The following OLFM1 variants were observed in gnomAD, a reference collection of about 807,000 sequenced individuals.
OLFM1 encodes the protein olfactomedin 1.
In OLFM1, 9 loss-of-function variants were observed where a neutral mutation model predicts 49.7. The observed-to-expected ratio is 0.18, with a 90% CI of 0.11 to 0.32. The LOEUF (loss-of-function observed/expected upper bound fraction) is 0.32. Ranked by LOEUF, OLFM1 falls within the 10% of genes least tolerant of loss-of-function variation. The pLI is 1.00. For synonymous variants in OLFM1, 240 were observed against 271.8 expected (o/e 0.88, Z 1.15); for missense variants, 369 against 661.8 (o/e 0.56, Z 4.85).
rs966026288 is a variant in OLFM1, at chr9:135,080,945, AAAT to A, written c.96+5150_96+5152del. On this transcript the variant is annotated intron_variant, in intron 1 of 5. Transcript: ENST00000252854. This position sits in a 1 kb window ranked among gnomAD's most constrained non-coding sequence, Gnocchi z 4.5. ...ACCTCTGAGTTTTTTTAGATTATTA[AAAT>A]AATAATCTAAATATTATAAATAATA... Among the ~76,000 whole-genome samples, 1 of 151,288 alleles carries A rather than the reference AAAT, an allele frequency of 6.6e-6. No individual in the cohort carries two copies. Among genetic ancestry groups the A allele is most frequent in the Admixed American group, 6.6e-5 (1 of 15,186 alleles).
At chr9:135,100,676 G>A (rs983807971) in intron 4 of OLFM1, among the ~76,000 whole-genome samples, 4 of 152,186 alleles carry the variant, frequency 2.6e-5, no homozygotes, top group Non-Finnish European at 5.9e-5. Flanking sequence ...AATGCCACTC[G>A]ATAGCTGTGC....
At chr9:135,089,702 G>A (rs1223488796) in intron 1 of OLFM1, among the ~76,000 whole-genome samples, 3 of 152,186 alleles carry the variant, frequency 2.0e-5, no homozygotes, top group Non-Finnish European at 4.4e-5. Flanking sequence ...TGTTACAGTG[G>A]GTGCTTCGTC....
At chr9:135,108,842 C>T (rs565273259) in intron 5 of OLFM1, among the ~76,000 whole-genome samples, 6 of 152,244 alleles carry the variant, frequency 3.9e-5, no homozygotes, top group East Asian at 3.9e-4. Context: ...ACTGTTCTCA[C>T]GCCCAGAGGC....
At chr9:135,111,553 T>TGG (rs1831023524) in intron 5 of OLFM1, among the ~76,000 whole-genome samples, 1 of 151,764 alleles carries the variant, frequency 6.6e-6, no homozygotes, top group Non-Finnish European at 1.5e-5. Context: ...GTGCTGAGGG[T>TGG]GGGTGTGTTG....
intron 4 of OLFM1, 175 bp from the exon 5 acceptor site, chr9:135,106,574 G>A: frequency 3.4e-6 from 2 of 589,304 alleles, no homozygotes; most frequent in East Asian, 2.9e-5. Context: ...TTCCGAGAGT[G>A]GGGGAGTTGT....
At chr9:135,106,934 C>G (rs970942841) in intron 5 of OLFM1, 79 bp downstream of exon 5, 2 of 1,120,494 alleles carry the variant, frequency 1.8e-6, no homozygotes, top group African/African-American at 3.1e-5. Flanking sequence ...GACATGGGTA[C>G]AAGCCACGCC....
chr9:135,098,012 AAAAG>A lies in OLFM1; in HGVS notation c.457-266_457-263del. On this transcript the variant is annotated intron_variant, in intron 3 of 5. Transcript: ENST00000371793. This position sits in a 1 kb window ranked among gnomAD's most constrained non-coding sequence, Gnocchi z 5.6. The stretch of plus-strand genomic sequence containing the variant: ...GAACCCTTGTCAATGCATTTTTTGA[AAAAG>A]AAAGAAAAAAAAAACTTCGTGTATG... 7 of 1,417,328 alleles carry A rather than the reference AAAAG, an allele frequency of 4.9e-6. No homozygotes were observed. The highest frequency in any genetic ancestry group is 6.4e-6 in the Non-Finnish European group (7 of 1,093,356). 87.8% of individuals were successfully genotyped at this position (1,417,328 alleles called of 1,614,324 possible).
At chr9:135,077,864 AG>A (rs1358610534) in intron 1 of OLFM1, among the ~76,000 whole-genome samples, 1 of 152,254 alleles carries the variant, frequency 6.6e-6, no homozygotes. Context: ...AAGCCTCAGC[AG>A]GTGAAATCAC....
chr9:135,110,654 TCA>T (rs1831008701), intron 5 of OLFM1, among the ~76,000 whole-genome samples: 2 of 152,154 alleles, frequency 1.3e-5, no homozygotes, highest in Admixed American at 6.5e-5. Flanking sequence ...CAGTCACTTC[TCA>T]GTGTGAGGAG....
chr9:135,120,193 A>T lies in OLFM1; in HGVS notation c.*15A>T. On this transcript the variant is annotated 3_prime_UTR_variant, in exon 6 of 6. Coordinates refer to ENST00000371793, the MANE Select transcript of OLFM1 (RefSeq NM_001282611.2). Reference sequence around the variant, plus strand: ...ACGAGTTGTAGCTCCCTCCTCCTGGAAGCCAAGGGCCCACGTCCTCACCAC... The same window carrying T: ...ACGAGTTGTAGCTCCCTCCTCCTGGTAGCCAAGGGCCCACGTCCTCACCAC... 6.3e-7 allele frequency: 1 copy of T among 1,595,348 alleles called. No homozygotes were observed. The highest frequency in any genetic ancestry group is 1.3e-5 in the African/African-American group (1 of 74,612).
chr9:135,092,704 T>C (rs1262716268), intron 2 of OLFM1, among the ~76,000 whole-genome samples: 1 of 152,176 alleles, frequency 6.6e-6, no homozygotes, highest in Non-Finnish European at 1.5e-5. Context: ...CATGAGCCCC[T>C]GGGACTGCAG....
At chr9:135,109,012 C>G (rs753959829) in intron 5 of OLFM1, among the ~76,000 whole-genome samples, 1 of 152,152 alleles carries the variant, frequency 6.6e-6, no homozygotes, top group Non-Finnish European at 1.5e-5. Flanking sequence ...CACAAACCCA[C>G]GCTGACCACA....
At chr9:135,097,966 G>A in intron 3 of OLFM1, 2 of 1,434,644 alleles carry the variant, frequency 1.4e-6, no homozygotes, top group Non-Finnish European at 1.8e-6. Flanking sequence ...TGCGACTGTA[G>A]CTGCATTTCA....
In OLFM1 at chr9:135,097,757, G is replaced by A. The variant is rs201060801; in HGVS notation, c.457-529G>A. 35 of 1,595,092 alleles carry A rather than the reference G, an allele frequency of 2.2e-5. No homozygotes were observed. In the African/African-American group the frequency reaches 3.1e-4, roughly 14 times the overall value. On this transcript the variant is annotated intron_variant, in intron 3 of 5. Coordinates refer to ENST00000371793, the MANE Select transcript of OLFM1 (RefSeq NM_001282611.2). ...CAGGCTAGTGAGCTAGTTCTTCAAC[G>A]GTATTTCATTTTCTTACTTGCAGGG...
chr9:135,098,609 C>G lies in OLFM1; in HGVS notation c.676+104C>G, dbSNP rs531115506. The G allele has an allele frequency of 3.8e-6, 4 of 1,044,512 alleles. No individual in the cohort carries two copies. Among genetic ancestry groups the G allele is most frequent in the African/African-American group, 1.6e-5 (1 of 63,524 alleles). The allele number at this position is 1,044,512 out of a possible 1,614,324, so 64.7% of individuals were successfully genotyped here. ...AGTGGACAGCGCCCGCCTGGCTTCGCGAGGTGATGGCTGGATTAGGGCTCC... is the reference window on the plus strand; with the variant it reads ...AGTGGACAGCGCCCGCCTGGCTTCGGGAGGTGATGGCTGGATTAGGGCTCC... On this transcript the variant is annotated intron_variant, in intron 4 of 5. Coordinates refer to ENST00000371793, the MANE Select transcript of OLFM1 (RefSeq NM_001282611.2). The surrounding 1 kb of genome is among the most constrained non-coding windows in gnomAD (Gnocchi z 5.6).
intron 2 of OLFM1, among the ~76,000 whole-genome samples, chr9:135,091,788 T>C (rs1304051541): frequency 2.7e-3 from 157 of 57,698 alleles, no homozygotes; most frequent in African/African-American, 0.01. Context: ...CACTCACACA[T>C]AGTCACACAG....
intron 4 of OLFM1, among the ~76,000 whole-genome samples, chr9:135,102,022 C>A (rs200276168): frequency 1.2e-3 from 178 of 152,344 alleles, no homozygotes; most frequent in Non-Finnish European, 2.3e-3. Flanking sequence ...CAGGGTCAGT[C>A]GGGTCTTTTT....
chr9:135,090,279 G>A lies in OLFM1; in HGVS notation c.235G>A (p.Ala79Thr), dbSNP rs1276630517. ...GGGCAGGTGTATCTGCACAGTGGTCGCTCCACAGCAGACCATGTGTTCACG... is the reference window on the plus strand; with the variant it reads ...GGGCAGGTGTATCTGCACAGTGGTCACTCCACAGCAGACCATGTGTTCACG... Reference protein sequence around the residue: ...SEGRCICTVVAPQQTMCSRDA... With the variant: ...SEGRCICTVVTPQQTMCSRDA... The change falls in exon 2 of 6, where the codon GCT becomes ACT. Residue 79 changes from alanine (A) to threonine (T), a missense_variant. This residue lies in a region of OLFM1 where 294 missense variants were observed against 567.5 expected (regional missense o/e 0.52). Transcript: ENST00000371793. The A allele has an allele frequency of 6.2e-7, 1 of 1,614,074 alleles. No homozygotes were observed. The highest frequency in any genetic ancestry group is 8.5e-7 in the Non-Finnish European group (1 of 1,180,018).
rs1031612893 is a variant in OLFM1 at position 135,097,985 on chromosome 9, T to C, written c.457-301T>C. The stretch of plus-strand genomic sequence containing the variant: ...ACTGTAGCTGCATTTCATGAATAGT[T>C]TGAACCCTTGTCAATGCATTTTTTG... On this transcript the variant is annotated intron_variant, in intron 3 of 5. Coordinates refer to ENST00000371793, the MANE Select transcript of OLFM1 (RefSeq NM_001282611.2). The C allele has an allele frequency of 3.5e-6, 5 of 1,427,646 alleles. No individual in the cohort carries two copies. The African/African-American group carries it at 7.2e-5, about 21-fold the overall frequency. 88.4% of individuals were successfully genotyped at this position (1,427,646 alleles called of 1,614,324 possible).
Sources: allele counts gnomAD v4.1 joint callset (sites outside exome capture counted in the v4.1 genomes callset), GRCh38; gene constraint gnomAD v4.1.1; regional missense constraint gnomAD v4.1.1; non-coding constraint Gnocchi (gnomAD v3.1); transcripts MANE v1.5; gene names NCBI Gene and HGNC (gene_info 2026-07-23, HGNC 2026-07-21).